Variants in NREP observed in about 807,000 individuals in gnomAD.
NREP encodes the protein neuronal regeneration-related protein.
In NREP, 5 loss-of-function variants were observed where a neutral mutation model predicts 8.6. The ratio of observed to expected loss-of-function variants is 0.58; its 90% CI spans 0.30 to 1.22. The LOEUF (loss-of-function observed/expected upper bound fraction) is 1.22. Ranked by LOEUF, NREP falls within the 50% of genes most tolerant of loss-of-function variation. The pLI is 0.07. For missense variants in NREP, 86 were observed against 82.5 expected (o/e 1.04, Z -0.17); for synonymous variants, 27 against 28.0 (o/e 0.96, Z 0.11).
At chr5:111,770,618 T>C (rs1470134746) in intron 2 of NREP, among the ~76,000 whole-genome samples, 1 of 137,826 alleles carries the variant, frequency 7.3e-6, no homozygotes, top group African/African-American at 2.7e-5. Context: ...CCAGGCTGGA[T>C]GGAGTACAGC....
At chr5:111,750,506 T>A (rs1188020651) in intron 2 of NREP, among the ~76,000 whole-genome samples, 6 of 152,170 alleles carry the variant, frequency 3.9e-5, no homozygotes, top group Non-Finnish European at 8.8e-5. Flanking sequence ...CCCACAGGTA[T>A]AAAAGTTAGT....
intron 2 of NREP, among the ~76,000 whole-genome samples, chr5:111,880,212 C>T (rs1293314960): frequency 6.6e-6 from 1 of 152,060 alleles, no homozygotes; most frequent in African/African-American, 2.4e-5. Flanking sequence ...TGGGTACCTA[C>T]CTCATTGGGT....
chr5:111,789,649 G>C (rs1165832762), intron 2 of NREP, among the ~76,000 whole-genome samples: 1 of 152,118 alleles, frequency 6.6e-6, no homozygotes, highest in East Asian at 1.9e-4. Flanking sequence ...CCCCATGGTT[G>C]CTCTCATTGT....
intron 2 of NREP, among the ~76,000 whole-genome samples, chr5:111,832,287 G>A (rs1225780832): frequency 6.6e-6 from 1 of 152,074 alleles, no homozygotes; most frequent in Non-Finnish European, 1.5e-5. Flanking sequence ...GGAGGCCGAG[G>A]CAGGCAGATC....
chr5:111,907,307 T>C (rs1385606123), intron 2 of NREP, among the ~76,000 whole-genome samples: 1 of 152,258 alleles, frequency 6.6e-6, no homozygotes, highest in Non-Finnish European at 1.5e-5. Context: ...TCTGGTACTT[T>C]TATAGTTTAA....
chr5:111,972,533 T>A (rs1393826483), intron 2 of NREP, among the ~76,000 whole-genome samples: 1 of 152,230 alleles, frequency 6.6e-6, no homozygotes, highest in Non-Finnish European at 1.5e-5. Context: ...CAACATTTAC[T>A]GCCTTAGTGG....
chr5:111,797,899 G>A (rs922134684), intron 2 of NREP, among the ~76,000 whole-genome samples: 2 of 152,130 alleles, frequency 1.3e-5, no homozygotes, highest in Non-Finnish European at 2.9e-5. Context: ...TTTAGGTAAG[G>A]GGAGAACAAA....
intron 2 of NREP, among the ~76,000 whole-genome samples, chr5:111,936,104 G>A (rs532082256): frequency 6.6e-6 from 1 of 152,016 alleles, no homozygotes; most frequent in Non-Finnish European, 1.5e-5. Flanking sequence ...TTTCTGTGTG[G>A]TTTTTTCCTC....
intron 2 of NREP, among the ~76,000 whole-genome samples, chr5:111,923,995 C>A (rs960241838): frequency 1.3e-5 from 2 of 152,114 alleles, no homozygotes; most frequent in Admixed American, 6.5e-5. Context: ...TTCCCCATTC[C>A]CAGGTATCCA....
intron 2 of NREP, 103 bp downstream of exon 2, chr5:111,755,667 T>G: frequency 1.5e-6 from 2 of 1,292,294 alleles, no homozygotes; most frequent in Non-Finnish European, 2.3e-6. Flanking sequence ...AGATGGGGTG[T>G]AGAACAATGA....
intron 2 of NREP, among the ~76,000 whole-genome samples, chr5:111,832,163 G>A (rs1032609051): frequency 6.6e-5 from 10 of 152,212 alleles, no homozygotes; most frequent in African/African-American, 7.2e-5. Flanking sequence ...TCTGGGGAAG[G>A]AAAACCTTAG....
chr5:111,764,169 G>A (rs1218519233), intron 2 of NREP, among the ~76,000 whole-genome samples: 1 of 152,200 alleles, frequency 6.6e-6, no homozygotes, highest in Non-Finnish European at 1.5e-5. Context: ...AATAGGGCCT[G>A]CAGCATCCAG....
intron 2 of NREP, among the ~76,000 whole-genome samples, chr5:111,879,546 T>A (rs902713727): frequency 6.6e-6 from 1 of 152,190 alleles, no homozygotes; most frequent in African/African-American, 2.4e-5. Context: ...ACTGGAAATA[T>A]CTTAAGTACA....
intron 2 of NREP, among the ~76,000 whole-genome samples, chr5:111,805,248 A>T (rs919286624): frequency 2.6e-5 from 4 of 152,374 alleles, no homozygotes; most frequent in Admixed American, 2.6e-4. Flanking sequence ...GTAAAATTAC[A>T]CAACTGCTCT....
upstream of NREP, chr5:111,757,234 G>A (rs1400396657): frequency 2.3e-5 from 13 of 562,684 alleles, no homozygotes; most frequent in Non-Finnish European, 2.9e-5. Flanking sequence ...CAGATTGGGG[G>A]GGGAGGGGGG....
At chr5:111,908,996 C>G (rs1190442722) in intron 2 of NREP, among the ~76,000 whole-genome samples, 2 of 151,900 alleles carry the variant, frequency 1.3e-5, no homozygotes, top group Non-Finnish European at 2.9e-5. Flanking sequence ...GAGCATTTTT[C>G]TTATGTCTGC....
chr5:111,744,332 T>C (rs1269562113), intron 2 of NREP, among the ~76,000 whole-genome samples: 1 of 152,050 alleles, frequency 6.6e-6, no homozygotes, highest in East Asian at 1.9e-4. Flanking sequence ...ACCACTAAAT[T>C]TGGAGGGAAA....
At chr5:111,909,622 G>T (rs1262949921) in intron 2 of NREP, among the ~76,000 whole-genome samples, 1 of 152,044 alleles carries the variant, frequency 6.6e-6, no homozygotes, top group East Asian at 1.9e-4. Flanking sequence ...AACCACCAAA[G>T]AGAGAACAGA....
At chr5:111,799,830 G>A (rs1040419557) in intron 2 of NREP, among the ~76,000 whole-genome samples, 5 of 152,234 alleles carry the variant, frequency 3.3e-5, no homozygotes, top group African/African-American at 1.2e-4. Flanking sequence ...CACTTGTCTG[G>A]AGTAAAGGTA....
Sources: allele counts gnomAD v4.1 joint callset (sites outside exome capture counted in the v4.1 genomes callset), GRCh38; gene constraint gnomAD v4.1.1; transcripts MANE v1.5; gene names NCBI Gene and HGNC (gene_info 2026-07-23, HGNC 2026-07-21).